The following GPHN variants were observed in gnomAD, a reference collection of about 807,000 sequenced individuals.
The protein encoded by GPHN is gephyrin.
GPHN carries 17 observed loss-of-function variants against 95.5 expected under a neutral mutation model. The observed-to-expected ratio is 0.18, with a 90% CI of 0.12 to 0.27. The LOEUF (loss-of-function observed/expected upper bound fraction) is 0.27. Ranked by LOEUF, GPHN falls within the 10% of genes least tolerant of loss-of-function variation. The probability of loss-of-function intolerance (pLI) is 1.00; values close to 1 mark genes in which losing one functional copy is unlikely to be tolerated. For synonymous variants in GPHN, 320 were observed against 322.5 expected, an observed-to-expected ratio of 0.99 and a Z score of 0.08; for missense variants, 660 against 978.1, an observed-to-expected ratio of 0.67 and a Z score of 4.34.
chr14:66,547,273 T>G (rs1460728494), intron 1 of GPHN, among the ~76,000 whole-genome samples: 2 of 152,274 alleles, frequency 1.3e-5, no homozygotes, highest in Admixed American at 6.5e-5. Flanking sequence ...TGTTATTTTC[T>G]GATTCACAGT....
intron 1 of GPHN, among the ~76,000 whole-genome samples, chr14:66,654,010 A>T (rs952875596): frequency 6.6e-6 from 1 of 152,224 alleles, no homozygotes; most frequent in East Asian, 1.9e-4. Context: ...TGTATGCAGA[A>T]TGACTGTAAA....
intron 17 of GPHN, among the ~76,000 whole-genome samples, chr14:67,130,884 G>T (rs1374778432): frequency 6.6e-6 from 1 of 152,084 alleles, no homozygotes; most frequent in African/African-American, 2.4e-5. Flanking sequence ...CTAAACATAT[G>T]TTCATATGTT....
intron 3 of GPHN, among the ~76,000 whole-genome samples, chr14:66,780,107 C>A (rs1466109716): frequency 6.6e-6 from 1 of 152,168 alleles, no homozygotes; most frequent in African/African-American, 2.4e-5. Flanking sequence ...ACTCAGATTT[C>A]TGGCTTGGGA....
chr14:67,175,399 A>G (rs1477312016), intron 21 of GPHN, among the ~76,000 whole-genome samples: 3 of 151,968 alleles, frequency 2.0e-5, no homozygotes, highest in African/African-American at 7.3e-5. Flanking sequence ...GATGTGTGGT[A>G]TTATTTCTGA....
At chr14:67,388,431 T>G in the GPHN span, 1 of 684,372 alleles carries the variant, frequency 1.5e-6, no homozygotes, top group Middle Eastern at 2.5e-4. Context: ...GAAGCTGAAC[T>G]TGGACATCAC....
Position 66,782,511 on chromosome 14 carries a change from T to G in GPHN, c.201+5990T>G, listed in dbSNP as rs541153370. 9.4e-4 allele frequency among the ~76,000 whole-genome samples: 143 copies of G among 152,270 alleles called. 2 individuals carry two copies. Among genetic ancestry groups the G allele is most frequent in the Non-Finnish European group, 5.9e-5 (4 of 68,004 alleles). ...TATTACTACTAAAAATGCCTAGGCATTATAAAATAAACATAGAAAGATTCT... is the reference window on the plus strand; with the variant it reads ...TATTACTACTAAAAATGCCTAGGCAGTATAAAATAAACATAGAAAGATTCT... On this transcript the variant is annotated intron_variant, in intron 3 of 22. Coordinates refer to ENST00000478722, the MANE Select transcript of GPHN (RefSeq NM_020806.5).
intron 3 of GPHN, among the ~76,000 whole-genome samples, chr14:66,800,578 GT>G (rs143537740): frequency 6.7e-5 from 10 of 148,826 alleles, no homozygotes; most frequent in South Asian, 4.3e-4. Context: ...GTTATTTGTA[GT>G]TTTTTTTTTA....
At chr14:67,662,033 G>A in the GPHN span, among the ~76,000 whole-genome samples, 2 of 152,086 alleles carry the variant, frequency 1.3e-5, no homozygotes, top group African/African-American at 2.4e-5. Context: ...GCGCCCACCT[G>A]TATTCCCAGC....
intron 1 of GPHN, among the ~76,000 whole-genome samples, chr14:66,535,047 T>C (rs2059091399): frequency 6.6e-6 from 1 of 152,168 alleles, no homozygotes; most frequent in Admixed American, 6.5e-5. Context: ...GTTTAAGAAA[T>C]CTTTGCCTAT....
Position 66,527,360 on chromosome 14 carries a change from A to C in GPHN, c.64+18769A>C, listed in dbSNP as rs544541698. ...TTGATTCTTCTCTCTTTTCTTCTTT[A>C]TTAGTCTGGCTAGTGTTTTATCTAT... is the stretch of plus-strand genomic sequence containing the variant. On this transcript the variant is annotated intron_variant, in intron 1 of 22. Coordinates refer to ENST00000478722, the MANE Select transcript of GPHN (RefSeq NM_020806.5). Among the ~76,000 whole-genome samples, 4 of 147,340 alleles carry C rather than the reference A, an allele frequency of 2.7e-5. No individual in the cohort carries two copies. The East Asian group carries it at 8.0e-4, about 29-fold the overall frequency.
intron 2 of GPHN, chr14:66,709,401 A>G (rs2153421063): frequency 2.2e-6 from 1 of 456,026 alleles, no homozygotes; most frequent in Admixed American, 2.3e-5. Context: ...AACCACAGAT[A>G]CTACTGAACC....
chr14:67,691,315 G>A, the GPHN span: 6 of 999,324 alleles, frequency 6.0e-6, no homozygotes, highest in Admixed American at 1.8e-5. Context: ...GCTGCCTCAC[G>A]CTCAGGCTTT....
At chr14:67,460,639 G>A in the GPHN span, among the ~76,000 whole-genome samples, 2 of 152,324 alleles carry the variant, frequency 1.3e-5, no homozygotes, top group African/African-American at 2.4e-5. Flanking sequence ...GGGAGGCAGA[G>A]GTTGTGGTGA....
At chr14:67,615,867 T>C in the GPHN span, 1 of 616,650 alleles carries the variant, frequency 1.6e-6, no homozygotes. Context: ...GCGAAGAAAC[T>C]GGGAGGGATG....
At chr14:67,574,373 C>G in the GPHN span, 2 of 1,588,814 alleles carry the variant, frequency 1.3e-6, no homozygotes, top group African/African-American at 2.7e-5. The surrounding 1 kb of genome is among the most constrained non-coding windows in gnomAD (Gnocchi z 4.2). Flanking sequence ...GGGGTGGCAC[C>G]AAGCCCACCG....
chr14:67,446,668 C>T, the GPHN span, among the ~76,000 whole-genome samples: 56 of 152,292 alleles, frequency 3.7e-4, no homozygotes, highest in East Asian at 1.9e-3. Flanking sequence ...CGTGACATGG[C>T]GCAGAGCAGG....
the GPHN span, among the ~76,000 whole-genome samples, chr14:67,634,430 CAAAA>C: frequency 8.7e-6 from 1 of 114,466 alleles, no homozygotes; most frequent in African/African-American, 3.2e-5. Flanking sequence ...CTATCTCTAC[CAAAA>C]AAAAAAAAAA....
intron 1 of GPHN, among the ~76,000 whole-genome samples, chr14:66,520,615 G>A (rs1203645161): frequency 6.6e-6 from 1 of 152,042 alleles, no homozygotes; most frequent in Admixed American, 6.6e-5. Flanking sequence ...AGAATTGTGA[G>A]GTTATAGAGG....
At chr14:67,545,124 T>C in the GPHN span, among the ~76,000 whole-genome samples, 4 of 152,222 alleles carry the variant, frequency 2.6e-5, no homozygotes, top group Admixed American at 1.3e-4. Context: ...GCAATCAAGC[T>C]CTAGGGTGAT....
Sources: allele counts gnomAD v4.1 joint callset (sites outside exome capture counted in the v4.1 genomes callset), GRCh38; gene constraint gnomAD v4.1.1; non-coding constraint Gnocchi (gnomAD v3.1); transcripts MANE v1.5; gene names NCBI Gene and HGNC (gene_info 2026-07-23, HGNC 2026-07-21).